Variants in DOCK1 observed in about 807,000 individuals in gnomAD.
DOCK1 encodes the protein dedicator of cytokinesis protein 1.
Under a neutral mutation model 262.7 loss-of-function variants are expected in DOCK1, and 138 were observed. The ratio of observed to expected loss-of-function variants is 0.53; its 90% CI spans 0.46 to 0.61. DOCK1 has a LOEUF of 0.61. Ranked by LOEUF, DOCK1 falls within the 20% of genes least tolerant of loss-of-function variation. DOCK1 has a pLI of 0.00. For synonymous variants in DOCK1, 866 were observed against 867.4 expected (o/e 1.00, Z 0.03); for missense variants, 1,908 against 2,370.7 (o/e 0.80, Z 4.05).
At chr10:126,915,822 C>G (rs2032424126) in intron 1 of DOCK1, among the ~76,000 whole-genome samples, 1 of 152,156 alleles carries the variant, frequency 6.6e-6, no homozygotes, top group African/African-American at 2.4e-5. Flanking sequence ...CATGCACACC[C>G]CAGGCCCCTT....
chr10:127,312,127 A>G (rs1263978790), intron 29 of DOCK1, among the ~76,000 whole-genome samples: 2 of 152,080 alleles, frequency 1.3e-5, no homozygotes, highest in African/African-American at 4.8e-5. Flanking sequence ...TTTTCATGGC[A>G]TTCTGTCATG....
intron 38 of DOCK1, among the ~76,000 whole-genome samples, chr10:127,401,319 A>G (rs542448730): frequency 3.3e-5 from 5 of 152,316 alleles, no homozygotes; most frequent in South Asian, 4.1e-4. Context: ...CCTTGTCAGA[A>G]GAAGGAATTC....
chr10:127,250,826 CGTTTGTG>C (rs2059609164), intron 28 of DOCK1, among the ~76,000 whole-genome samples: 2 of 133,648 alleles, frequency 1.5e-5, no homozygotes, highest in African/African-American at 5.5e-5. Flanking sequence ...AAAAAAATGA[CGTTTGTG>C]GTTTTTTATA....
At chr10:126,986,638 G>A (rs992784954) in intron 4 of DOCK1, among the ~76,000 whole-genome samples, 2 of 152,214 alleles carry the variant, frequency 1.3e-5, no homozygotes, top group South Asian at 2.1e-4. Flanking sequence ...GGCTGGGCGC[G>A]GTGGCTCATG....
Position 127,384,724 on chromosome 10 carries a change from TC to T in DOCK1, c.3808-65del. The T allele has an allele frequency of 2.7e-6, 4 of 1,469,094 alleles. No individual in the cohort carries two copies. The South Asian group carries it at 6.1e-5, about 22-fold the overall frequency. 91.0% of individuals were successfully genotyped at this position (1,469,094 alleles called of 1,614,324 possible). Reference sequence around the variant, plus strand: ...CCCACACGCGTGTCCGATGCGAAGCTCACACCATTCTGACGTCCCTGGGTGT... The same window carrying T: ...CCCACACGCGTGTCCGATGCGAAGCTACACCATTCTGACGTCCCTGGGTGT... On this transcript the variant is annotated intron_variant, in intron 37 of 51. Transcript: ENST00000623213.
At chr10:127,236,260 C>A (rs932345294) in intron 27 of DOCK1, among the ~76,000 whole-genome samples, 15 of 151,974 alleles carry the variant, frequency 9.9e-5, no homozygotes, top group South Asian at 2.1e-4. Flanking sequence ...GCATTTAAAT[C>A]TATGATACAT....
intron 27 of DOCK1, among the ~76,000 whole-genome samples, chr10:127,130,590 G>A (rs2050263619): frequency 6.6e-6 from 1 of 152,242 alleles, no homozygotes; most frequent in African/African-American, 2.4e-5. Flanking sequence ...CTCAGACCAT[G>A]TGGTCCAGGA....
chr10:127,202,517 A>T (rs1009293121), intron 27 of DOCK1, among the ~76,000 whole-genome samples: 2 of 151,998 alleles, frequency 1.3e-5, no homozygotes, highest in Non-Finnish European at 2.9e-5. Context: ...TGGGGGGTGT[A>T]GGAACTTCCT....
At chr10:127,394,374 T>C (rs1243285918) in intron 38 of DOCK1, among the ~76,000 whole-genome samples, 1 of 140,632 alleles carries the variant, frequency 7.1e-6, no homozygotes, top group Admixed American at 7.0e-5. Context: ...AAAAAAAGCG[T>C]TTTACATCAT....
chr10:127,294,479 G>C (rs374342420), intron 29 of DOCK1, among the ~76,000 whole-genome samples: 4 of 150,792 alleles, frequency 2.7e-5, no homozygotes, highest in Non-Finnish European at 4.4e-5. Context: ...TCGTCACCAC[G>C]CCAGGCTGAT....
intron 28 of DOCK1, 67 bp from the exon 29 acceptor site, chr10:127,257,268 G>A: frequency 7.9e-7 from 1 of 1,259,962 alleles, no homozygotes; most frequent in Non-Finnish European, 1.1e-6. Context: ...TAATCTAATT[G>A]ACAGGAGGGT....
chr10:127,236,725 C>T (rs2059079138), intron 27 of DOCK1, among the ~76,000 whole-genome samples: 1 of 151,822 alleles, frequency 6.6e-6, no homozygotes, highest in South Asian at 2.1e-4. Context: ...TTTCAGTATA[C>T]AATTTTGTGA....
intron 23 of DOCK1, among the ~76,000 whole-genome samples, chr10:127,091,895 A>G (rs1487019545): frequency 6.6e-6 from 1 of 152,180 alleles, no homozygotes; most frequent in Non-Finnish European, 1.5e-5. Context: ...TACAGGGTAC[A>G]TCCTCTGGGA....
chr10:127,123,745 A>G (rs2049762842), intron 25 of DOCK1, among the ~76,000 whole-genome samples: 4 of 152,064 alleles, frequency 2.6e-5, no homozygotes, highest in Admixed American at 2.6e-4. Context: ...CTCTAACACT[A>G]GGGCAGTCTC....
intron 2 of DOCK1, among the ~76,000 whole-genome samples, chr10:126,975,653 C>A (rs2134744067): frequency 6.9e-6 from 1 of 144,380 alleles, no homozygotes; most frequent in Admixed American, 7.1e-5. Flanking sequence ...GAGATGGAGT[C>A]TTGCTCTATT....
chr10:127,288,031 T>C (rs936856108), intron 29 of DOCK1, among the ~76,000 whole-genome samples: 1 of 152,248 alleles, frequency 6.6e-6, no homozygotes, highest in African/African-American at 2.4e-5. Context: ...AAAGGAAGGA[T>C]AAATGCTTGT....
chr10:127,179,071 C>A (rs2055465180), intron 27 of DOCK1, among the ~76,000 whole-genome samples: 1 of 152,134 alleles, frequency 6.6e-6, no homozygotes, highest in Non-Finnish European at 1.5e-5. Flanking sequence ...AGCATTTTTA[C>A]AAAAAGCAAT....
intron 23 of DOCK1, among the ~76,000 whole-genome samples, chr10:127,075,471 C>T (rs2135960428): frequency 6.6e-6 from 1 of 152,162 alleles, no homozygotes; most frequent in Admixed American, 6.5e-5. Context: ...ATGGTTTCGT[C>T]ATATATTAGT....
At chr10:127,116,117 C>G (rs932222100) in intron 25 of DOCK1, among the ~76,000 whole-genome samples, 1 of 151,998 alleles carries the variant, frequency 6.6e-6, no homozygotes, top group Non-Finnish European at 1.5e-5. Context: ...TTCTGTTTGT[C>G]TGTTTGTTGT....
Sources: allele counts gnomAD v4.1 joint callset (sites outside exome capture counted in the v4.1 genomes callset), GRCh38; gene constraint gnomAD v4.1.1; transcripts MANE v1.5; gene names NCBI Gene and HGNC (gene_info 2026-07-23, HGNC 2026-07-21).